SLC25A13: variants seen among roughly 807,000 people sequenced by gnomAD.
SLC25A13 encodes electrogenic aspartate/glutamate antiporter SLC25A13, mitochondrial.
In SLC25A13, 70 loss-of-function variants were observed where a neutral mutation model predicts 85.5. That is an observed-to-expected ratio of 0.82 (90% CI 0.68 to 1.00). The LOEUF is 1.00. Among genes scored for constraint, SLC25A13 ranks in the 50% least tolerant of loss-of-function variants. SLC25A13 has a pLI of 0.00. For synonymous variants in SLC25A13, 259 were observed against 288.7 expected, an observed-to-expected ratio of 0.90 and a Z score of 1.04; for missense variants, 765 against 819.8, an observed-to-expected ratio of 0.93 and a Z score of 0.82.
chr7:96,185,240 C>T (rs1794586800), intron 9 of SLC25A13, among the ~76,000 whole-genome samples: 1 of 152,124 alleles, frequency 6.6e-6, no homozygotes, highest in Non-Finnish European at 1.5e-5. Flanking sequence ...TCAAAACCAT[C>T]CTTTGACAAA....
At chr7:96,297,614 G>A (rs1201415899) in intron 1 of SLC25A13, among the ~76,000 whole-genome samples, 2 of 152,108 alleles carry the variant, frequency 1.3e-5, no homozygotes, top group African/African-American at 4.8e-5. Flanking sequence ...GATTACAGGC[G>A]TGAGCCATCG....
intron 5 of SLC25A13, among the ~76,000 whole-genome samples, chr7:96,204,565 A>G (rs1253058229): frequency 1.3e-5 from 2 of 152,178 alleles, no homozygotes; most frequent in Non-Finnish European, 2.9e-5. Flanking sequence ...AAGAAAAGAA[A>G]AAGGAAAAAA....
chr7:96,162,119 A>C (rs2116543191), intron 13 of SLC25A13, among the ~76,000 whole-genome samples: 1 of 152,326 alleles, frequency 6.6e-6, no homozygotes, highest in South Asian at 2.1e-4. Flanking sequence ...CCTTAAGAAA[A>C]CCACACTATG....
intron 13 of SLC25A13, among the ~76,000 whole-genome samples, chr7:96,162,557 T>C (rs1343129508): frequency 6.6e-6 from 1 of 152,002 alleles, no homozygotes; most frequent in Non-Finnish European, 1.5e-5. Context: ...ATTTCCTCTC[T>C]CAATAATTAA....
intron 4 of SLC25A13, chr7:96,219,736 TG>T (rs765081147): frequency 9.4e-6 from 5 of 534,446 alleles, no homozygotes; most frequent in Non-Finnish European, 1.5e-5. Flanking sequence ...TGAGAACCCA[TG>T]GTCTACCTCA....
chr7:96,202,708 A>C (rs1466635471), intron 5 of SLC25A13, among the ~76,000 whole-genome samples: 1 of 152,184 alleles, frequency 6.6e-6, no homozygotes, highest in Admixed American at 6.5e-5. Context: ...CTCAACACCA[A>C]AGAATTGAAA....
chr7:96,196,476 G>A (rs1354306369), intron 5 of SLC25A13, among the ~76,000 whole-genome samples: 1 of 152,184 alleles, frequency 6.6e-6, no homozygotes, highest in Non-Finnish European at 1.5e-5. Flanking sequence ...ATTCCAGATT[G>A]GGAATGGATG....
At chr7:96,132,248 G>A (rs1379175200) in intron 14 of SLC25A13, among the ~76,000 whole-genome samples, 6 of 152,184 alleles carry the variant, frequency 3.9e-5, no homozygotes, top group Non-Finnish European at 8.8e-5. Flanking sequence ...ACCAAAGACG[G>A]GTAACGGCAG....
At chr7:96,124,413 A>C (rs755523489) in intron 15 of SLC25A13, among the ~76,000 whole-genome samples, 4 of 152,222 alleles carry the variant, frequency 2.6e-5, no homozygotes, top group Non-Finnish European at 5.9e-5. Context: ...ATGAGAAAAT[A>C]TCGCATTTTC....
At chr7:96,146,165 T>C (rs1336241366) in intron 14 of SLC25A13, among the ~76,000 whole-genome samples, 2 of 152,300 alleles carry the variant, frequency 1.3e-5, no homozygotes, top group East Asian at 1.9e-4. Flanking sequence ...GGCATACATA[T>C]ATAGAGAAAA....
rs762080067 is a variant in SLC25A13 at position 96,193,200 on chromosome 7, T to TA, written c.469-18dup. 6.2e-7 allele frequency: 1 copy of TA among 1,613,416 alleles called. No homozygotes were observed. Among genetic ancestry groups the TA allele is most frequent in the South Asian group, 1.1e-5 (1 of 91,064 alleles). On this transcript the variant is annotated splice_polypyrimidine_tract_variant and intron_variant, in intron 5 of 17. Transcript: ENST00000265631. ...TTGTATTTCCTACAAATAAAGAAAG[T>TA]AAAATACTTAATTTATGCTTCTCAT...
intron 13 of SLC25A13, among the ~76,000 whole-genome samples, chr7:96,165,570 A>T (rs1793708049): frequency 6.6e-6 from 1 of 152,240 alleles, no homozygotes; most frequent in Admixed American, 6.5e-5. Context: ...CTAATGGGAA[A>T]AAATGCAAAG....
chr7:96,146,033 C>CT (rs1406164920), intron 14 of SLC25A13, among the ~76,000 whole-genome samples: 2 of 152,162 alleles, frequency 1.3e-5, no homozygotes, highest in Non-Finnish European at 2.9e-5. Context: ...TCCATTATAA[C>CT]TTTTTGGTAG....
intron 13 of SLC25A13, among the ~76,000 whole-genome samples, chr7:96,153,954 T>C (rs544807295): frequency 6.6e-6 from 1 of 152,314 alleles, no homozygotes; most frequent in South Asian, 2.1e-4. Flanking sequence ...AACATTTGAA[T>C]GAAAGAGAAA....
intron 3 of SLC25A13, among the ~76,000 whole-genome samples, chr7:96,261,746 G>A (rs1200253412): frequency 6.6e-6 from 1 of 152,182 alleles, no homozygotes; most frequent in African/African-American, 2.4e-5. Context: ...AGAATTACCT[G>A]AGACTGAGTA....
chr7:96,196,057 A>AATAAATG (rs1176969627), intron 5 of SLC25A13, among the ~76,000 whole-genome samples: 1 of 152,222 alleles, frequency 6.6e-6, no homozygotes, highest in Non-Finnish European at 1.5e-5. Flanking sequence ...GTAGGTGCTC[A>AATAAATG]ATAAATGACA....
intron 13 of SLC25A13, among the ~76,000 whole-genome samples, chr7:96,164,361 G>A (rs896831850): frequency 3.9e-5 from 6 of 152,174 alleles, no homozygotes; most frequent in Admixed American, 6.6e-5. Flanking sequence ...CCTTCTAGCT[G>A]CCTCACCACT....
At chr7:96,179,736 T>C (rs1198164744) in intron 11 of SLC25A13, among the ~76,000 whole-genome samples, 2 of 152,222 alleles carry the variant, frequency 1.3e-5, no homozygotes, top group Non-Finnish European at 2.9e-5. Context: ...ATTAAAAGTT[T>C]TGGTGGACAT....
chr7:96,254,475 G>A (rs912978210), intron 3 of SLC25A13, among the ~76,000 whole-genome samples: 6 of 152,198 alleles, frequency 3.9e-5, no homozygotes, highest in African/African-American at 1.4e-4. Context: ...CCACAGTCAT[G>A]TGAGACAAGT....
Sources: gnomAD v4.1 joint callset for allele counts (sites outside exome capture counted in the v4.1 genomes callset) on GRCh38, gnomAD v4.1.1 for gene constraint, MANE v1.5 for transcripts, NCBI Gene and HGNC (gene_info 2026-07-23, HGNC 2026-07-21) for gene names.